ZC3H4: variants seen among roughly 807,000 people sequenced by gnomAD.
The protein encoded by ZC3H4 is zinc finger CCCH domain-containing protein 4.
A neutral mutation model predicts 108.3 loss-of-function variants in ZC3H4; 13 were observed. That is an observed-to-expected ratio of 0.12 (90% CI 0.08 to 0.19). The LOEUF (loss-of-function observed/expected upper bound fraction) is 0.19. ZC3H4 is among the 10% of genes least tolerant of loss of function. The pLI is 1.00. For missense variants in ZC3H4, 1,734 were observed against 1,838.8 expected (o/e 0.94, Z 1.04); for synonymous variants, 917 against 749.6 (o/e 1.22, Z -3.65).
rs368279859 is a variant in ZC3H4, at chr19:47,085,159, C to T, written c.1004G>A (p.Arg335Gln). The change falls in exon 8 of 15, where the codon CGA becomes CAA. Residue 335 changes from arginine (R) to glutamine (Q), a missense_variant. Around this residue, in one of 9 missense-constraint regions of ZC3H4, gnomAD observed 403 missense variants for 457.0 expected, o/e 0.88. Transcript: ENST00000253048. ...TCGGCCCCGACCCATTCCTTTCCCT[C>T]GACCTCGGGAGCCCCTGCCACGGCC... Reference protein sequence around the residue: ...SRGRGRGSRGRGKGMGRGRGR... With the variant: ...SRGRGRGSRGQGKGMGRGRGR... 4.3e-6 allele frequency: 7 copies of T among 1,613,376 alleles called. No individual in the cohort carries two copies. In the African/African-American group the frequency reaches 5.4e-5, roughly 12 times the overall value.
At position 47,066,800 on chromosome 19, in the gene ZC3H4, C is replaced by G. The variant is rs546413565; in HGVS notation, c.3468G>C (p.Ala1156=). ...ISLYDPRTPN[A]GGKATEPAAD... ...CAGCCGGCTCTGTGGCTTTGCCCCC[C>G]GCGTTGGGAGTCCTCGGGTCGTAGA... Residue 1156 remains alanine (A), a synonymous_variant, in exon 15 of 15, where the codon GCG becomes GCC. Transcript: ENST00000253048. 5.6e-6 allele frequency: 9 copies of G among 1,600,248 alleles called. No homozygotes were observed. The highest frequency in any genetic ancestry group is 3.4e-5 in the Admixed American group (2 of 59,470).
intron 5 of ZC3H4, among the ~76,000 whole-genome samples, chr19:47,087,641 G>T (rs1309160155): frequency 6.6e-6 from 1 of 152,194 alleles, no homozygotes; most frequent in Non-Finnish European, 1.5e-5. Context: ...CACTTTGGGA[G>T]GCCAAGGCGG....
At chr19:47,077,131 G>T (rs1426545426) in intron 11 of ZC3H4, among the ~76,000 whole-genome samples, 1 of 152,040 alleles carries the variant, frequency 6.6e-6, no homozygotes, top group Non-Finnish European at 1.5e-5. Context: ...CTGCACTCCA[G>T]CCTGGACGAC....
At position 47,072,730 on chromosome 19, in the gene ZC3H4, A is replaced by G; in HGVS notation, c.1441-17T>C. ...GGCCAACATCTGCGGGTGTGAAAGA[A>G]CAAAAGAAGGTGTGGACGGGGTCAG... On this transcript the variant is annotated splice_polypyrimidine_tract_variant and intron_variant, in intron 11 of 14. Transcript: ENST00000253048. The surrounding 1 kb of genome is among the most constrained non-coding windows in gnomAD (Gnocchi z 5.6). The G allele has an allele frequency of 6.2e-7, 1 of 1,612,616 alleles. No homozygotes were observed. Among genetic ancestry groups the G allele is most frequent in the Non-Finnish European group, 8.5e-7 (1 of 1,179,910 alleles).
chr19:47,070,522 C>T lies in ZC3H4; in HGVS notation c.2147-1179G>A, dbSNP rs1441629498. Among the ~76,000 whole-genome samples, 3 of 152,186 alleles carry T rather than the reference C, an allele frequency of 2.0e-5. No individual in the cohort carries two copies. The South Asian group carries it at 6.2e-4, about 32-fold the overall frequency. On this transcript the variant is annotated intron_variant, in intron 13 of 14. Transcript: ENST00000253048. Reference sequence around the variant, plus strand: ...CCAACGTGACGGACTTCTGGTGCCCCGCCAGCAGAGCTTTTCCCGTGCACC... The same window carrying T: ...CCAACGTGACGGACTTCTGGTGCCCTGCCAGCAGAGCTTTTCCCGTGCACC...
intron 2 of ZC3H4, among the ~76,000 whole-genome samples, chr19:47,104,514 C>A (rs1482363379): frequency 6.6e-6 from 1 of 152,180 alleles, no homozygotes; most frequent in Non-Finnish European, 1.5e-5. Context: ...AATCTCAGCT[C>A]TCATACCCTT....
intron 11 of ZC3H4, among the ~76,000 whole-genome samples, chr19:47,073,165 C>T (rs1182648546): frequency 6.6e-6 from 1 of 151,894 alleles, no homozygotes; most frequent in African/African-American, 2.4e-5. Flanking sequence ...CTCAGCTACT[C>T]GGGAGGCTGA....
Position 47,069,185 on chromosome 19 carries a change from G to C in ZC3H4, c.2305C>G (p.Leu769Val). The C allele has an allele frequency of 6.2e-7, 1 of 1,610,734 alleles. No homozygotes were observed. The highest frequency in any genetic ancestry group is 8.5e-7 in the Non-Finnish European group (1 of 1,179,978). ...TGCTTCTGCTGGATCCTCAGGTACAGGGCCCTCTGGGCTGAGGGCAGGAAG... is the reference window on the plus strand; with the variant it reads ...TGCTTCTGCTGGATCCTCAGGTACACGGCCCTCTGGGCTGAGGGCAGGAAG... ...PDFLPSAQRA[L>V]YLRIQQKQQE... The change falls in exon 14 of 15, where the codon CTG becomes GTG. Residue 769 changes from leucine (L) to valine (V), a missense_variant. Leu to Val is a conservative substitution (Grantham distance 32). Coordinates refer to ENST00000253048, the MANE Select transcript of ZC3H4 (RefSeq NM_015168.2).
intron 5 of ZC3H4, among the ~76,000 whole-genome samples, chr19:47,086,763 A>G (rs2057636165): frequency 6.6e-6 from 1 of 152,166 alleles, no homozygotes; most frequent in Non-Finnish European, 1.5e-5. Context: ...CAGCTACTCC[A>G]GTACTCACTC....
chr19:47,073,909 T>C (rs1296272113), intron 11 of ZC3H4, among the ~76,000 whole-genome samples: 2 of 152,218 alleles, frequency 1.3e-5, no homozygotes, highest in Non-Finnish European at 1.5e-5. Context: ...TATTCCCCTG[T>C]CATGTTTGGA....
Position 47,094,048 on chromosome 19 carries a change from G to A in ZC3H4, c.414C>T (p.Asp138=). The part of the protein sequence containing the change: ...RHASSSDDFS[D]FSDDSDFSPS... ...GGCTGAAATCCGAGTCATCTGAGAAGTCAGAGAAGTCATCGCTAGAAGAAG... is the reference window on the plus strand; with the variant it reads ...GGCTGAAATCCGAGTCATCTGAGAAATCAGAGAAGTCATCGCTAGAAGAAG... Residue 138 remains aspartate, a synonymous_variant, in exon 4 of 15, where the codon GAC becomes GAT. Transcript: ENST00000253048. 6.2e-7 allele frequency: 1 copy of A among 1,614,214 alleles called. No homozygotes were observed. Among genetic ancestry groups the A allele is most frequent in the Non-Finnish European group, 8.5e-7 (1 of 1,180,044 alleles).
intron 4 of ZC3H4, among the ~76,000 whole-genome samples, chr19:47,091,841 C>T (rs1461940990): frequency 1.3e-5 from 2 of 151,730 alleles, no homozygotes; most frequent in South Asian, 2.1e-4. Context: ...TGCAGTGAGC[C>T]GAGATTGTGC....
At chr19:47,112,182 C>G in intron 2 of ZC3H4, 2 of 1,188,080 alleles carry the variant, frequency 1.7e-6, no homozygotes, top group Non-Finnish European at 1.0e-6. Context: ...AAAGACAGAG[C>G]GAGAGCGAGG....
chr19:47,070,829 T>C (rs943530719), intron 13 of ZC3H4, among the ~76,000 whole-genome samples: 1 of 152,094 alleles, frequency 6.6e-6, no homozygotes, highest in African/African-American at 2.4e-5. Context: ...CCATCCTCAA[T>C]GCCGCTCCTG....
At chr19:47,069,032 C>G (rs576467967) in intron 14 of ZC3H4, 60 bp downstream of exon 14, 1 of 1,596,904 alleles carries the variant, frequency 6.3e-7, no homozygotes, top group South Asian at 1.1e-5. Flanking sequence ...ACCCCACCAC[C>G]GCCGCTCCCC....
At chr19:47,105,881 T>C (rs913838774) in intron 2 of ZC3H4, among the ~76,000 whole-genome samples, 4 of 152,216 alleles carry the variant, frequency 2.6e-5, no homozygotes, top group Admixed American at 6.5e-5. Flanking sequence ...CTAGTGGCTA[T>C]ACCCCACAGT....
chr19:47,068,261 G>T (rs538392318), intron 14 of ZC3H4, among the ~76,000 whole-genome samples: 3 of 152,162 alleles, frequency 2.0e-5, no homozygotes, highest in Non-Finnish European at 4.4e-5. Context: ...GTTTCCTCCC[G>T]CCCACCTCCG....
chr19:47,070,555 C>T (rs376443197), intron 13 of ZC3H4, among the ~76,000 whole-genome samples: 24 of 152,292 alleles, frequency 1.6e-4, no homozygotes, highest in African/African-American at 4.8e-4. Context: ...ACCTTTTAGA[C>T]GCATTTGTTG....
chr19:47,110,978 G>A lies in ZC3H4; in HGVS notation c.161+1446C>T, dbSNP rs560532148. On this transcript the variant is annotated intron_variant, in intron 2 of 14. Coordinates refer to ENST00000253048, the MANE Select transcript of ZC3H4 (RefSeq NM_015168.2). The stretch of plus-strand genomic sequence containing the variant: ...TGGTCTGTGAAGGAGAAAGGGGAAA[G>A]GGGAGGTGGGAGTGGGGAGAAGGGG... 5.2e-6 allele frequency: 5 copies of A among 964,436 alleles called. No homozygotes were observed. In the African/African-American group the frequency reaches 8.8e-5, roughly 17 times the overall value. The allele number at this position is 964,436 out of a possible 1,614,324, so 59.7% of individuals were successfully genotyped here.
Sources: allele counts gnomAD v4.1 joint callset (sites outside exome capture counted in the v4.1 genomes callset), GRCh38; gene constraint gnomAD v4.1.1; regional missense constraint gnomAD v4.1.1; non-coding constraint Gnocchi (gnomAD v3.1); transcripts MANE v1.5; gene names NCBI Gene and HGNC (gene_info 2026-07-23, HGNC 2026-07-21).